Variants in NCOA7 observed in about 807,000 individuals in gnomAD.
NCOA7 encodes nuclear receptor coactivator 7.
NCOA7 carries 45 observed loss-of-function variants against 104.3 expected under a neutral mutation model. The ratio of observed to expected loss-of-function variants is 0.43; its 90% CI spans 0.34 to 0.55. The LOEUF (loss-of-function observed/expected upper bound fraction) is 0.55. Among genes scored for constraint, NCOA7 ranks in the 20% least tolerant of loss-of-function variants. NCOA7 has a pLI of 0.02. For synonymous variants in NCOA7, 398 were observed against 402.3 expected, an observed-to-expected ratio of 0.99 and a Z score of 0.13; for missense variants, 1,041 against 1,119.7, an observed-to-expected ratio of 0.93 and a Z score of 1.00.
chr6:125,820,985 G>T (rs1340491768), intron 2 of NCOA7, among the ~76,000 whole-genome samples: 1 of 152,100 alleles, frequency 6.6e-6, no homozygotes, highest in Non-Finnish European at 1.5e-5. Flanking sequence ...CTATCCCAGG[G>T]TACTTTTAGA....
At chr6:125,850,027 C>T (rs1463870980) in intron 2 of NCOA7, among the ~76,000 whole-genome samples, 7 of 151,968 alleles carry the variant, frequency 4.6e-5, no homozygotes, top group Non-Finnish European at 7.4e-5. Context: ...ATAGCAAATC[C>T]GTATTGTGAG....
chr6:125,841,476 G>GTGGTATATATTT (rs1780170083), intron 2 of NCOA7, among the ~76,000 whole-genome samples: 2 of 152,058 alleles, frequency 1.3e-5, no homozygotes, highest in Non-Finnish European at 2.9e-5. Flanking sequence ...ACCACAACCT[G>GTGGTATATATTT]TGGTTGGTTA....
chr6:125,795,483 A>G (rs952392190), intron 1 of NCOA7, among the ~76,000 whole-genome samples: 10 of 152,136 alleles, frequency 6.6e-5, no homozygotes, highest in African/African-American at 2.4e-4. Context: ...AGAATCTTCT[A>G]GTGACATTTT....
chr6:125,848,858 TAAG>T (rs983743964), intron 2 of NCOA7, among the ~76,000 whole-genome samples: 5 of 152,052 alleles, frequency 3.3e-5, no homozygotes, highest in African/African-American at 1.2e-4. Flanking sequence ...ATACCTTAAA[TAAG>T]AAGATGGGAG....
chr6:125,793,258 C>G (rs1775014505), intron 1 of NCOA7, among the ~76,000 whole-genome samples: 1 of 152,180 alleles, frequency 6.6e-6, no homozygotes, highest in Non-Finnish European at 1.5e-5. Flanking sequence ...GGGTATTGAG[C>G]AATTAATTTA....
intron 13 of NCOA7, among the ~76,000 whole-genome samples, chr6:125,924,096 T>TA (rs1425801195): frequency 6.6e-6 from 1 of 152,230 alleles, no homozygotes; most frequent in Non-Finnish European, 1.5e-5. Flanking sequence ...ACAGTTGGTT[T>TA]AAAAGAGACT....
chr6:125,894,672 C>T (rs1405512270), intron 10 of NCOA7, among the ~76,000 whole-genome samples: 2 of 151,932 alleles, frequency 1.3e-5, no homozygotes, highest in Non-Finnish European at 2.9e-5. Flanking sequence ...CCTGGTTTGG[C>T]AGTGAAGGAG....
rs775185446 is a variant in NCOA7 at position 125,889,712 on chromosome 6, CA to C, written c.1659del (p.Gly555GlufsTer2). On this transcript the variant is annotated frameshift_variant, in exon 9 of 16. Transcript: ENST00000392477. LOFTEE classifies it high-confidence loss of function. The stretch of plus-strand genomic sequence containing the variant: ...TTAAGTGATGGAAAAAGTATTGAAC[CA>C]GGGGGAATAGACATTACCCTTAGTA... ...TELSDGKSIE[P>X]GGIDITLSSS... 1.2e-6 allele frequency: 2 copies of C among 1,613,938 alleles called. No individual in the cohort carries two copies. The highest frequency in any genetic ancestry group is 1.7e-6 in the Non-Finnish European group (2 of 1,179,958).
Position 125,885,146 on chromosome 6 carries a change from C to T in NCOA7, c.700-13C>T. 6.2e-7 allele frequency: 1 copy of T among 1,612,706 alleles called. No homozygotes were observed. Among genetic ancestry groups the T allele is most frequent in the Non-Finnish European group, 8.5e-7 (1 of 1,179,026 alleles). On this transcript the variant is annotated splice_polypyrimidine_tract_variant and intron_variant, in intron 7 of 15. Transcript: ENST00000392477. ...TGCCTGAAGTGATTCTGTCCTGTTGCTTTCTCCTGCAGGGTGTGGTTGGCG... is the reference window on the plus strand; with the variant it reads ...TGCCTGAAGTGATTCTGTCCTGTTGTTTTCTCCTGCAGGGTGTGGTTGGCG...
At position 125,889,935 on chromosome 6, in the gene NCOA7, T is replaced by C. The variant is rs1784512824; in HGVS notation, c.1881T>C (p.Ser627=). ...SCQGAQMDNK[S]EVQLWLLKRI... is the part of the protein sequence containing the mutation. Reference sequence around the variant, plus strand: ...AAGGTGCACAAATGGATAATAAATCTGAAGTTCAGTTGTGGCTGTTAAAGA... The same window carrying C: ...AAGGTGCACAAATGGATAATAAATCCGAAGTTCAGTTGTGGCTGTTAAAGA... Residue 627 remains serine, a synonymous_variant, in exon 9 of 16, where the codon TCT becomes TCC. Coordinates refer to ENST00000392477, the MANE Select transcript of NCOA7 (RefSeq NM_181782.5). The C allele has an allele frequency of 1.3e-6, 2 of 1,572,904 alleles. No homozygotes were observed. The highest frequency in any genetic ancestry group is 2.4e-5 in the South Asian group (2 of 83,750).
At chr6:125,813,458 T>C (rs142098867) in intron 1 of NCOA7, among the ~76,000 whole-genome samples, 1,938 of 151,962 alleles carry the variant, frequency 0.013, 23 homozygotes, top group African/African-American at 0.026. Flanking sequence ...AATTTTTTTT[T>C]TTTTTTTTTT....
intron 2 of NCOA7, among the ~76,000 whole-genome samples, chr6:125,825,284 GATC>G (rs967397419): frequency 6.6e-6 from 1 of 151,616 alleles, no homozygotes; most frequent in African/African-American, 2.4e-5. Flanking sequence ...AGTGAGCTAT[GATC>G]ATGTCGTTCC....
intron 11 of NCOA7, chr6:125,919,400 G>T: frequency 6.2e-7 from 1 of 1,612,750 alleles, no homozygotes; most frequent in South Asian, 1.1e-5. Context: ...ATTTTCTATT[G>T]TGCCAGACCT....
chr6:125,802,391 AGCTG>A (rs1775983187), intron 1 of NCOA7: 1 of 152,134 alleles, frequency 6.6e-6, no homozygotes, highest in African/African-American at 2.4e-5. Flanking sequence ...CGGATGCCAA[AGCTG>A]AGGTTCAAGT....
At chr6:125,860,278 T>C (rs1382915997) in intron 3 of NCOA7, among the ~76,000 whole-genome samples, 2 of 152,232 alleles carry the variant, frequency 1.3e-5, no homozygotes, top group Non-Finnish European at 2.9e-5. Context: ...ATAAATGTAT[T>C]AAAAGATGTT....
chr6:125,785,544 C>T (rs1372579955), intron 1 of NCOA7, among the ~76,000 whole-genome samples: 3 of 151,900 alleles, frequency 2.0e-5, no homozygotes, highest in Non-Finnish European at 4.4e-5. Context: ...AGCATAATCA[C>T]TGTAAATTTC....
At chr6:125,785,500 TC>T (rs1432299149) in intron 1 of NCOA7, among the ~76,000 whole-genome samples, 2 of 152,158 alleles carry the variant, frequency 1.3e-5, no homozygotes, top group African/African-American at 4.8e-5. Context: ...TATTTATTAA[TC>T]TGTAATTATT....
At chr6:125,921,472 G>A (rs769584309) in intron 12 of NCOA7, among the ~76,000 whole-genome samples, 3 of 152,056 alleles carry the variant, frequency 2.0e-5, no homozygotes, top group Non-Finnish European at 4.4e-5. Context: ...TGAAGGATGA[G>A]GCTTGTGAGG....
At chr6:125,850,803 A>G (rs775818326) in intron 2 of NCOA7, among the ~76,000 whole-genome samples, 18 of 152,344 alleles carry the variant, frequency 1.2e-4, no homozygotes, top group Non-Finnish European at 2.5e-4. Context: ...GAATCAGCCC[A>G]TCATTTTGGA....
Sources: allele counts gnomAD v4.1 joint callset (sites outside exome capture counted in the v4.1 genomes callset), GRCh38; gene constraint gnomAD v4.1.1; transcripts MANE v1.5; gene names NCBI Gene and HGNC (gene_info 2026-07-23, HGNC 2026-07-21).